Variants in MUCL1 observed in about 807,000 individuals in gnomAD.
MUCL1 encodes mucin-like protein 1.
Under a neutral mutation model 9.2 loss-of-function variants are expected in MUCL1, and 11 were observed. The observed-to-expected ratio is 1.19, with a 90% CI of 0.75 to 1.97. The LOEUF is 1.97. Ranked by LOEUF, MUCL1 falls within the 30% of genes most tolerant of loss-of-function variation. MUCL1 has a pLI of 0.00. For synonymous variants in MUCL1, 48 were observed against 40.5 expected (o/e 1.19, Z -0.71); for missense variants, 144 against 110.9 (o/e 1.30, Z -1.34).
rs572968352 is a variant in MUCL1 at position 54,856,973 on chromosome 12, T to C, written c.223+81T>C. The C allele has an allele frequency of 5.0e-6, 8 of 1,589,474 alleles. No homozygotes were observed. In the Admixed American group the frequency reaches 5.1e-5, roughly 10 times the overall value. ...GTTCTCTATTCTCACAGAGACTCTA[T>C]TTTTGAGGTCAGGGAGACCTCTTCT... On this transcript the variant is annotated intron_variant, in intron 3 of 3. Coordinates refer to ENST00000308796, the MANE Select transcript of MUCL1 (RefSeq NM_058173.3).
chr12:54,858,211 G>A lies in MUCL1; in HGVS notation c.242G>A (p.Gly81Glu), dbSNP rs1868315132. ...KDIPVLPKWV[G>E]DLPNGRVCP Reference sequence around the variant, plus strand: ...CTTGCAGTTTTACCCAAATGGGTTGGGGATCTCCCGAATGGTAGAGTGTGT... The same window carrying A: ...CTTGCAGTTTTACCCAAATGGGTTGAGGATCTCCCGAATGGTAGAGTGTGT... Residue 81 changes from glycine (G) to glutamate (E), a missense_variant, in exon 4 of 4, where the codon GGG becomes GAG. By Grantham distance (98) the Gly-to-Glu change is moderately conservative. Coordinates refer to ENST00000308796, the MANE Select transcript of MUCL1 (RefSeq NM_058173.3). 6.2e-7 allele frequency: 1 copy of A among 1,613,468 alleles called. No individual in the cohort carries two copies. Among genetic ancestry groups the A allele is most frequent in the African/African-American group, 1.3e-5 (1 of 74,972 alleles).
chr12:54,850,842 G>T (rs1959328414), upstream of MUCL1, among the ~76,000 whole-genome samples: 1 of 152,116 alleles, frequency 6.6e-6, no homozygotes, highest in African/African-American at 2.4e-5. Context: ...ACTTTTTAAT[G>T]ATTGCCATTC....
At chr12:54,855,309 C>T (rs1565779132) in intron 2 of MUCL1, 152 bp downstream of exon 2, 3 of 653,910 alleles carry the variant, frequency 4.6e-6, no homozygotes, top group Non-Finnish European at 8.2e-6. Flanking sequence ...TTTTAAAATT[C>T]ACCACAAACA....
chr12:54,834,510 A>T (rs1959189703), upstream of MUCL1, among the ~76,000 whole-genome samples: 1 of 151,952 alleles, frequency 6.6e-6, no homozygotes, highest in Non-Finnish European at 1.5e-5. Context: ...TGTATATTTA[A>T]GGTAAACAAT....
chr12:54,839,334 C>G (rs1015406066), upstream of MUCL1: 10 of 699,688 alleles, frequency 1.4e-5, no homozygotes, highest in African/African-American at 1.6e-4. Flanking sequence ...GTGGCACACA[C>G]TTATTTATTT....
chr12:54,855,083 C>G lies in MUCL1; in HGVS notation c.59-33C>G. 1.9e-6 allele frequency: 3 copies of G among 1,605,072 alleles called. No homozygotes were observed. The East Asian group carries it at 6.7e-5, about 36-fold the overall frequency. On this transcript the variant is annotated intron_variant, in intron 1 of 3. Coordinates refer to ENST00000308796, the MANE Select transcript of MUCL1 (RefSeq NM_058173.3). ...CTCCATCCTCCAAACTGGTATTCAGCTAACATCTTAATTTTTCCTTCTTCT... is the reference window on the plus strand; with the variant it reads ...CTCCATCCTCCAAACTGGTATTCAGGTAACATCTTAATTTTTCCTTCTTCT...
upstream of MUCL1, among the ~76,000 whole-genome samples, chr12:54,837,358 T>C (rs866072034): frequency 2.6e-5 from 4 of 152,232 alleles, no homozygotes; most frequent in Admixed American, 2.0e-4. Flanking sequence ...TTTATGTTTT[T>C]ACTGTTGTTG....
chr12:54,848,030 T>C (rs966813392), intron 1 of MUCL1, among the ~76,000 whole-genome samples: 2 of 149,940 alleles, frequency 1.3e-5, no homozygotes, highest in East Asian at 2.0e-4. Flanking sequence ...TCAATTCTTT[T>C]TTTTTTTTTT....
At chr12:54,853,107 C>T (rs1316460369), upstream of MUCL1, among the ~76,000 whole-genome samples, 1 of 152,098 alleles carries the variant, frequency 6.6e-6, no homozygotes, top group Non-Finnish European at 1.5e-5. Context: ...CAGACAGACT[C>T]TCCAATAAAA....
chr12:54,854,742 C>G, intron 1 of MUCL1, 102 bp downstream of exon 1: 1 of 999,318 alleles, frequency 1.0e-6, no homozygotes. Context: ...TGCTTTTTTA[C>G]CTCTCCTAAC....
At chr12:54,852,728 A>G (rs987169043), upstream of MUCL1, among the ~76,000 whole-genome samples, 1 of 152,138 alleles carries the variant, frequency 6.6e-6, no homozygotes, top group African/African-American at 2.4e-5. Context: ...CGTCTCCTAG[A>G]AGACCCTTCA....
At chr12:54,850,329 G>A (rs992385890), upstream of MUCL1, among the ~76,000 whole-genome samples, 2 of 133,566 alleles carry the variant, frequency 1.5e-5, no homozygotes, top group African/African-American at 3.1e-5. Context: ...CCCACCACAG[G>A]CCCCGGTGTG....
upstream of MUCL1, among the ~76,000 whole-genome samples, chr12:54,851,615 C>G (rs1592248908): frequency 6.6e-6 from 1 of 152,176 alleles, no homozygotes; most frequent in Non-Finnish European, 1.5e-5. Context: ...GGGATGCCCT[C>G]TCTCACCACT....
At chr12:54,850,041 G>A (rs948752963), upstream of MUCL1, among the ~76,000 whole-genome samples, 4 of 152,146 alleles carry the variant, frequency 2.6e-5, no homozygotes, top group Non-Finnish European at 4.4e-5. Context: ...GCCACCCAGA[G>A]GGCTGCTTCT....
intron 1 of MUCL1, among the ~76,000 whole-genome samples, chr12:54,831,089 G>A (rs1959184836): frequency 6.6e-6 from 1 of 152,086 alleles, no homozygotes; most frequent in South Asian, 2.1e-4. Flanking sequence ...AAACCAGAGA[G>A]TTTTGTATTA....
At chr12:54,849,604 A>G (rs1341174353), upstream of MUCL1, among the ~76,000 whole-genome samples, 2 of 152,106 alleles carry the variant, frequency 1.3e-5, no homozygotes, top group Non-Finnish European at 2.9e-5. Flanking sequence ...GGTTATACAT[A>G]CAATATATGA....
upstream of MUCL1, among the ~76,000 whole-genome samples, chr12:54,852,968 C>T (rs1868266445): frequency 6.6e-6 from 1 of 152,004 alleles, no homozygotes; most frequent in Non-Finnish European, 1.5e-5. Context: ...ATGAGTTTAC[C>T]CAGGACAAGG....
chr12:54,853,512 C>T (rs537811410), upstream of MUCL1, among the ~76,000 whole-genome samples: 21 of 152,272 alleles, frequency 1.4e-4, no homozygotes, highest in Middle Eastern at 3.4e-3. Context: ...ATTTCCTTTC[C>T]GTTGCATTAT....
intron 3 of MUCL1, 120 bp downstream of exon 3, chr12:54,857,012 T>A: frequency 1.4e-6 from 2 of 1,417,000 alleles, no homozygotes; most frequent in Non-Finnish European, 1.9e-6. Context: ...CATTGTTCTC[T>A]AAATCCTTGT....
Sources: gnomAD v4.1 joint callset for allele counts (sites outside exome capture counted in the v4.1 genomes callset) on GRCh38, gnomAD v4.1.1 for gene constraint, MANE v1.5 for transcripts, NCBI Gene and HGNC (gene_info 2026-07-23, HGNC 2026-07-21) for gene names.